BFSP2: variants seen among roughly 807,000 people sequenced by gnomAD.
BFSP2 encodes beaded filament structural protein 2.
BFSP2 carries 38 observed loss-of-function variants against 44.9 expected under a neutral mutation model. The observed-to-expected ratio is 0.85, with a 90% CI of 0.65 to 1.11. BFSP2 has a LOEUF of 1.11. Ranked by LOEUF, BFSP2 falls within the 50% of genes least tolerant of loss-of-function variation. BFSP2 has a pLI of 0.00. For synonymous variants in BFSP2, 197 were observed against 209.9 expected (o/e 0.94, Z 0.53); for missense variants, 525 against 533.0 (o/e 0.99, Z 0.15).
At chr3:133,448,275 G>T (rs2073922098) in intron 2 of BFSP2, among the ~76,000 whole-genome samples, 1 of 152,210 alleles carries the variant, frequency 6.6e-6, no homozygotes, top group Non-Finnish European at 1.5e-5. Flanking sequence ...GGTAGCCCGG[G>T]AAGCCAGGTT....
intron 1 of BFSP2, among the ~76,000 whole-genome samples, chr3:133,447,116 C>G (rs1021597006): frequency 4.6e-5 from 7 of 152,138 alleles, no homozygotes; most frequent in Non-Finnish European, 1.5e-5. Flanking sequence ...TAGAAGATAT[C>G]CAGATTTTAT....
intron 1 of BFSP2, among the ~76,000 whole-genome samples, chr3:133,413,185 A>G (rs536126392): frequency 4.9e-4 from 74 of 152,258 alleles, no homozygotes; most frequent in African/African-American, 1.7e-3. Context: ...ATATGCAGTA[A>G]TAAATAAAAG....
chr3:133,416,312 C>T (rs62280878), intron 1 of BFSP2, among the ~76,000 whole-genome samples: 63,532 of 132,108 alleles, frequency 0.48, 16,701 homozygotes, highest in East Asian at 0.78. Flanking sequence ...TGTCCTCTCC[C>T]CTCTACTCAC....
At chr3:133,457,431 A>G (rs993143887) in intron 4 of BFSP2, among the ~76,000 whole-genome samples, 2 of 152,266 alleles carry the variant, frequency 1.3e-5, no homozygotes, top group South Asian at 4.1e-4. Flanking sequence ...CAAAAGATAT[A>G]AAGTGAAAAG....
At position 133,472,558 on chromosome 3, in the gene BFSP2, G is replaced by C. The variant is rs991573300; in HGVS notation, c.1237G>C (p.Glu413Gln). 3 of 1,611,836 alleles carry C rather than the reference G, an allele frequency of 1.9e-6. No individual in the cohort carries two copies. Among genetic ancestry groups the C allele is most frequent in the East Asian group, 2.2e-5 (1 of 44,894 alleles). ...ASYHALLDRE[E>Q]SG ...CTACCACGCCCTGCTGGACAGGGAGGAGAGCGGGTAAGCCTCGCTTCCGCG... is the reference window on the plus strand; with the variant it reads ...CTACCACGCCCTGCTGGACAGGGAGCAGAGCGGGTAAGCCTCGCTTCCGCG... The change falls in exon 6 of 7, where the codon GAG becomes CAG. Residue 413 changes from glutamate to glutamine, a missense_variant. Glu to Gln is a conservative substitution (Grantham distance 29). Coordinates refer to ENST00000302334, the MANE Select transcript of BFSP2 (RefSeq NM_003571.4).
rs200703179 is a variant in BFSP2, at chr3:133,450,334, G to A, written c.761G>A (p.Gly254Glu). 1 of 1,614,076 alleles carries A rather than the reference G, an allele frequency of 6.2e-7. No homozygotes were observed. Among genetic ancestry groups the A allele is most frequent in the Non-Finnish European group, 8.5e-7 (1 of 1,180,034 alleles). Reference protein sequence around the residue: ...DVKLLHKQLAGCELEQMDAPI... With the variant: ...DVKLLHKQLAECELEQMDAPI... Reference sequence around the variant, plus strand: ...AAGCTGCTGCACAAACAGTTGGCAGGGTGTGAGCTGGAACAAATGGATGCT... The same window carrying A: ...AAGCTGCTGCACAAACAGTTGGCAGAGTGTGAGCTGGAACAAATGGATGCT... Residue 254 changes from glycine to glutamate, a missense_variant, in exon 4 of 7, where the codon GGG (glycine) becomes GAG (glutamate). By Grantham distance (98) the Gly-to-Glu change is moderately conservative. Coordinates refer to ENST00000302334, the MANE Select transcript of BFSP2 (RefSeq NM_003571.4).
At chr3:133,466,576 G>A (rs1275681741) in intron 4 of BFSP2, among the ~76,000 whole-genome samples, 1 of 147,096 alleles carries the variant, frequency 6.8e-6, no homozygotes, top group Non-Finnish European at 1.5e-5. Context: ...CCAGCTACTC[G>A]AGGCAGGAGA....
chr3:133,416,964 C>T (rs1472250544), intron 1 of BFSP2, among the ~76,000 whole-genome samples: 4 of 134,074 alleles, frequency 3.0e-5, no homozygotes, highest in Non-Finnish European at 4.8e-5. Context: ...CCCCTCTACT[C>T]ACCCTCTATG....
intron 4 of BFSP2, among the ~76,000 whole-genome samples, chr3:133,451,332 A>G: frequency 6.6e-6 from 1 of 152,156 alleles, no homozygotes; most frequent in Non-Finnish European, 1.5e-5. Context: ...AGGTAAAATG[A>G]GGAGAAAATG....
chr3:133,427,247 C>T (rs1352583314), intron 1 of BFSP2, among the ~76,000 whole-genome samples: 2 of 152,224 alleles, frequency 1.3e-5, no homozygotes, highest in Non-Finnish European at 2.9e-5. Flanking sequence ...CTTAGACCTT[C>T]GTCACCATTG....
At chr3:133,426,157 C>T (rs1186587054) in intron 1 of BFSP2, among the ~76,000 whole-genome samples, 1 of 151,752 alleles carries the variant, frequency 6.6e-6, no homozygotes, top group Non-Finnish European at 1.5e-5. Context: ...TCTTAGACTC[C>T]CCTCTTGGAG....
At chr3:133,465,547 C>T (rs944765670) in intron 4 of BFSP2, among the ~76,000 whole-genome samples, 18 of 152,134 alleles carry the variant, frequency 1.2e-4, no homozygotes, top group African/African-American at 4.1e-4. Context: ...ACCTGTTCCC[C>T]TGAATATATG....
At chr3:133,435,508 T>C (rs2073772142) in intron 1 of BFSP2, among the ~76,000 whole-genome samples, 1 of 152,234 alleles carries the variant, frequency 6.6e-6, no homozygotes, top group African/African-American at 2.4e-5. Flanking sequence ...GAAGAAATGC[T>C]TCAGAATCTT....
chr3:133,412,971 A>G (rs992180221), intron 1 of BFSP2, among the ~76,000 whole-genome samples: 1 of 152,170 alleles, frequency 6.6e-6, no homozygotes, highest in Admixed American at 6.5e-5. Context: ...TGGCGCCAGA[A>G]TGTATCTGAG....
chr3:133,449,265 G>A (rs1223397715), intron 3 of BFSP2: 1 of 153,250 alleles, frequency 6.5e-6, no homozygotes, highest in African/African-American at 2.4e-5. Flanking sequence ...GCAACTGTAA[G>A]CCCATTTCTT....
chr3:133,433,050 T>C (rs1401580698), intron 1 of BFSP2, among the ~76,000 whole-genome samples: 3 of 152,188 alleles, frequency 2.0e-5, no homozygotes, highest in Non-Finnish European at 2.9e-5. Flanking sequence ...ACCTGACACA[T>C]ATACTTTCTG....
At chr3:133,450,016 A>AGGAAGGAAGGAGGGAG (rs1225503133) in intron 3 of BFSP2, among the ~76,000 whole-genome samples, 9 of 93,272 alleles carry the variant, frequency 9.6e-5, no homozygotes, top group Non-Finnish European at 1.7e-4. Flanking sequence ...GAAGGAAGGA[A>AGGAAGGAAGGAGGGAG]GGAGGGAGGG....
intron 3 of BFSP2, chr3:133,448,997 A>G (rs912688911): frequency 3.8e-6 from 1 of 265,542 alleles, no homozygotes; most frequent in African/African-American, 2.2e-5. Context: ...CAAACAAAAC[A>G]ACTCTGAGGG....
intron 1 of BFSP2, among the ~76,000 whole-genome samples, chr3:133,422,146 C>T (rs993991142): frequency 7.0e-6 from 1 of 143,648 alleles, no homozygotes; most frequent in African/African-American, 2.6e-5. Flanking sequence ...TCCTATCAAA[C>T]TACTTGGGCT....
Sources: allele counts gnomAD v4.1 joint callset (sites outside exome capture counted in the v4.1 genomes callset), GRCh38; gene constraint gnomAD v4.1.1; transcripts MANE v1.5; gene names NCBI Gene and HGNC (gene_info 2026-07-23, HGNC 2026-07-21).